COL24A1: variants seen among roughly 807,000 people sequenced by gnomAD.
The protein encoded by COL24A1 is collagen alpha-1(XXIV) chain.
A neutral mutation model predicts 253.9 loss-of-function variants in COL24A1; 224 were observed. The observed-to-expected ratio is 0.88, with a 90% CI of 0.79 to 0.99. The LOEUF (loss-of-function observed/expected upper bound fraction) is 0.99, where lower values mean the gene tolerates loss of function less well. COL24A1 is among the 50% of genes least tolerant of loss of function. The probability of loss-of-function intolerance (pLI) is 0.00; values close to 1 mark genes in which losing one functional copy is unlikely to be tolerated. For missense variants in COL24A1, 2,131 were observed against 2,068.5 expected (o/e 1.03, Z -0.59); for synonymous variants, 685 against 673.7 (o/e 1.02, Z -0.26).
At chr1:86,076,115 C>G (rs1702225955) in intron 7 of COL24A1, among the ~76,000 whole-genome samples, 1 of 152,168 alleles carries the variant, frequency 6.6e-6, no homozygotes, top group African/African-American at 2.4e-5. Flanking sequence ...TCTCTGTTTG[C>G]AGATGACATG....
In COL24A1 at chr1:86,156,369, G is replaced by A. The variant is rs367697291; in HGVS notation, c.28C>T (p.Arg10Cys). 39 of 1,612,820 alleles carry A rather than the reference G, an allele frequency of 2.4e-5. No individual in the cohort carries two copies. Among genetic ancestry groups the A allele is most frequent in the Non-Finnish European group, 2.9e-5 (34 of 1,179,534 alleles). MHLRAHRTRRGKVSPTAKTK... is the reference protein window; with the variant it reads MHLRAHRTRCGKVSPTAKTK... The stretch of plus-strand genomic sequence containing the variant: ...TTTGCCGTGGGGGAGACTTTTCCAC[G>A]CCTTGTTCTGTGGGCTCTTAAATGC... The change falls in exon 1 of 60, where the codon CGT becomes TGT. Residue 10 changes from arginine (R) to cysteine (C), a missense_variant. Physicochemically the swap from Arg to Cys is radical, Grantham distance 180. Transcript: ENST00000370571.
chr1:86,031,181 T>C (rs1698536305), intron 14 of COL24A1, among the ~76,000 whole-genome samples: 1 of 152,176 alleles, frequency 6.6e-6, no homozygotes, highest in Non-Finnish European at 1.5e-5. Flanking sequence ...ACATTAGTGA[T>C]ATAAGCCAGG....
intron 59 of COL24A1, among the ~76,000 whole-genome samples, chr1:85,731,978 T>C (rs575581378): frequency 6.6e-6 from 1 of 152,038 alleles, no homozygotes; most frequent in African/African-American, 2.4e-5. Flanking sequence ...CACAAAAAAC[T>C]AAAAAACAGA....
intron 29 of COL24A1, 96 bp downstream of exon 29, chr1:85,896,260 T>C: frequency 7.6e-7 from 1 of 1,311,132 alleles, no homozygotes; most frequent in Non-Finnish European, 1.1e-6. Flanking sequence ...CTTAGAACCA[T>C]ACTTTTGTAG....
intron 24 of COL24A1, among the ~76,000 whole-genome samples, chr1:85,922,330 A>G (rs1287918462): frequency 2.0e-5 from 3 of 152,210 alleles, no homozygotes; most frequent in African/African-American, 7.2e-5. Flanking sequence ...CCACAAAGAT[A>G]CTCCTTGAGA....
At position 85,907,253 on chromosome 1, in the gene COL24A1, T is replaced by A; in HGVS notation, c.2725-6A>T. On this transcript the variant is annotated splice_region_variant and splice_polypyrimidine_tract_variant and intron_variant, in intron 27 of 59. Coordinates refer to ENST00000370571, the MANE Select transcript of COL24A1 (RefSeq NM_152890.7). ...CCTCTTGCCCCCACATGACCCTATATGTTGTAAATTTAAAGTCAGTTGTAG... is the reference window on the plus strand; with the variant it reads ...CCTCTTGCCCCCACATGACCCTATAAGTTGTAAATTTAAAGTCAGTTGTAG... 1.2e-6 allele frequency: 2 copies of A among 1,609,502 alleles called. No individual in the cohort carries two copies. Among genetic ancestry groups the A allele is most frequent in the Non-Finnish European group, 1.7e-6 (2 of 1,176,620 alleles).
At chr1:86,050,034 T>A in intron 11 of COL24A1, 90 bp downstream of exon 11, 1 of 1,109,360 alleles carries the variant, frequency 9.0e-7, no homozygotes. Flanking sequence ...TCAGTAAGAT[T>A]ACTTCCCTGA....
chr1:86,048,000 A>G (rs1700027565), intron 11 of COL24A1, among the ~76,000 whole-genome samples: 1 of 152,194 alleles, frequency 6.6e-6, no homozygotes, highest in Admixed American at 6.5e-5. Flanking sequence ...CTGATCATCA[A>G]AAAAGAGTTC....
chr1:85,848,057 G>A (rs550898099), intron 38 of COL24A1, among the ~76,000 whole-genome samples: 2 of 152,274 alleles, frequency 1.3e-5, no homozygotes, highest in African/African-American at 2.4e-5. Context: ...ATATATGTAT[G>A]TAAGTATGCA....
chr1:86,030,108 A>G (rs1464350635), intron 14 of COL24A1: 1 of 152,290 alleles, frequency 6.6e-6, no homozygotes, highest in African/African-American at 2.4e-5. Context: ...AAAGGAAACA[A>G]AAACAAAACG....
In COL24A1 at chr1:85,941,394, A is replaced by C. The variant is rs112612834; in HGVS notation, c.2562+19855T>G. Among the ~76,000 whole-genome samples, 355 of 152,268 alleles carry C rather than the reference A, an allele frequency of 2.3e-3. 5 individuals carry two copies. Among genetic ancestry groups the C allele is most frequent in the African/African-American group, 8.2e-3 (339 of 41,584 alleles). ...AAATAGCAGCATGGTATGGAGGATTATTAGTCTAAAGACATGAATTCCAGC... is the reference window on the plus strand; with the variant it reads ...AAATAGCAGCATGGTATGGAGGATTCTTAGTCTAAAGACATGAATTCCAGC... On this transcript the variant is annotated intron_variant, in intron 24 of 59. Coordinates refer to ENST00000370571, the MANE Select transcript of COL24A1 (RefSeq NM_152890.7).
chr1:86,050,562 G>A (rs1405670348), intron 10 of COL24A1, among the ~76,000 whole-genome samples: 1 of 152,036 alleles, frequency 6.6e-6, no homozygotes, highest in Non-Finnish European at 1.5e-5. Flanking sequence ...TGTGGCAGGA[G>A]GCAAAGGCAA....
intron 55 of COL24A1, among the ~76,000 whole-genome samples, chr1:85,759,753 GTCTTAC>G (rs1341851136): frequency 6.6e-6 from 1 of 152,178 alleles, no homozygotes; most frequent in Non-Finnish European, 1.5e-5. Context: ...AACCTCTCAT[GTCTTAC>G]TCTATTTTGG....
At chr1:85,976,453 C>G (rs907461169) in intron 20 of COL24A1, among the ~76,000 whole-genome samples, 1 of 152,064 alleles carries the variant, frequency 6.6e-6, no homozygotes, top group Non-Finnish European at 1.5e-5. Context: ...AGAACCACAC[C>G]CCCTCCCCCA....
chr1:85,733,424 T>A (rs1026737429), intron 59 of COL24A1, among the ~76,000 whole-genome samples: 2 of 152,306 alleles, frequency 1.3e-5, no homozygotes, highest in Non-Finnish European at 1.5e-5. Context: ...CAGCCATAGA[T>A]AATAAGTAAA....
intron 45 of COL24A1, among the ~76,000 whole-genome samples, chr1:85,822,275 G>A (rs1673714450): frequency 6.6e-6 from 1 of 152,070 alleles, no homozygotes; most frequent in East Asian, 1.9e-4. Context: ...TCCCATAAGT[G>A]GAAAACACAA....
At chr1:85,967,748 C>T (rs72954573) in intron 22 of COL24A1, among the ~76,000 whole-genome samples, 1,796 of 152,260 alleles carry the variant, frequency 0.012, 29 homozygotes, top group African/African-American at 0.04. Flanking sequence ...AGATCCCTTG[C>T]TTGCACAGTT....
intron 47 of COL24A1, among the ~76,000 whole-genome samples, chr1:85,792,320 A>G (rs568203138): frequency 5.3e-5 from 8 of 152,056 alleles, no homozygotes; most frequent in Non-Finnish European, 7.4e-5. Flanking sequence ...TAAGGAAGCT[A>G]CCATGGGAAT....
chr1:86,062,211 T>A (rs1423327746), intron 8 of COL24A1, among the ~76,000 whole-genome samples: 1 of 152,088 alleles, frequency 6.6e-6, no homozygotes, highest in East Asian at 1.9e-4. Context: ...CTCTTATTAC[T>A]AGAGCTCACA....
Sources: allele counts gnomAD v4.1 joint callset (sites outside exome capture counted in the v4.1 genomes callset), GRCh38; gene constraint gnomAD v4.1.1; transcripts MANE v1.5; gene names NCBI Gene and HGNC (gene_info 2026-07-23, HGNC 2026-07-21).